ELAPOR2: variants seen among roughly 807,000 people sequenced by gnomAD.
The protein encoded by ELAPOR2 is endosome/lysosome-associated apoptosis and autophagy regulator family member 2.
A neutral mutation model predicts 120.7 loss-of-function variants in ELAPOR2; 89 were observed. That is an observed-to-expected ratio of 0.74 (90% CI 0.62 to 0.88). The LOEUF is 0.88. ELAPOR2 is among the 40% of genes least tolerant of loss of function. ELAPOR2 has a pLI of 0.00. For synonymous variants in ELAPOR2, 444 were observed against 444.9 expected, an observed-to-expected ratio of 1.00 and a Z score of 0.03; for missense variants, 1,134 against 1,251.6, an observed-to-expected ratio of 0.91 and a Z score of 1.42.
intron 19 of ELAPOR2, among the ~76,000 whole-genome samples, chr7:86,895,124 TA>T (rs1788379191): frequency 1.3e-5 from 2 of 152,128 alleles, no homozygotes; most frequent in Admixed American, 1.3e-4. Context: ...TTAAAAAATG[TA>T]AATATACCCA....
At chr7:87,041,697 C>T (rs1794793285) in intron 1 of ELAPOR2, among the ~76,000 whole-genome samples, 1 of 151,754 alleles carries the variant, frequency 6.6e-6, no homozygotes, top group South Asian at 2.1e-4. Context: ...GAAGAAACTG[C>T]ATCAACTAAC....
chr7:86,889,154 T>C (rs1799831897), intron 21 of ELAPOR2, among the ~76,000 whole-genome samples: 1 of 152,228 alleles, frequency 6.6e-6, no homozygotes, highest in African/African-American at 2.4e-5. Context: ...CAACATCAAC[T>C]CACTGTCCAT....
At chr7:87,041,910 G>A (rs1356825060) in intron 1 of ELAPOR2, among the ~76,000 whole-genome samples, 1 of 151,868 alleles carries the variant, frequency 6.6e-6, no homozygotes, top group Non-Finnish European at 1.5e-5. Flanking sequence ...TAAAAGGATG[G>A]AGGAAGATCT....
chr7:87,024,630 G>GA (rs1794181917), intron 1 of ELAPOR2, among the ~76,000 whole-genome samples: 1 of 152,118 alleles, frequency 6.6e-6, no homozygotes, highest in African/African-American at 2.4e-5. Flanking sequence ...AATAGTTTCA[G>GA]AAGGAATAGT....
chr7:86,944,810 A>G, intron 4 of ELAPOR2, 89 bp downstream of exon 4: 1 of 1,058,222 alleles, frequency 9.4e-7, no homozygotes, highest in Non-Finnish European at 1.3e-6. Flanking sequence ...AAAACTGAGG[A>G]GGAATAAAGT....
At position 86,975,947 on chromosome 7, in the gene ELAPOR2, C is replaced by A. The variant is rs114471212; in HGVS notation, c.190-10923G>T. 8.7e-3 allele frequency among the ~76,000 whole-genome samples: 1,320 copies of A among 152,216 alleles called. 19 individuals carry two copies. Among genetic ancestry groups the A allele is most frequent in the African/African-American group, 0.031 (1,273 of 41,540 alleles). The stretch of plus-strand genomic sequence containing the variant: ...AGAATGCAAAAAACTACAAGAGAAG[C>A]CCATTTTTCTGGCCAGAAGAATAAG... On this transcript the variant is annotated intron_variant, in intron 1 of 21. Transcript: ENST00000450689.
At chr7:87,039,580 T>C (rs1046096236) in intron 1 of ELAPOR2, among the ~76,000 whole-genome samples, 4 of 152,222 alleles carry the variant, frequency 2.6e-5, no homozygotes, top group Non-Finnish European at 1.5e-5. Flanking sequence ...GATTTATCCC[T>C]GGGATGCAAG....
chr7:87,034,169 A>G (rs1303446174), intron 1 of ELAPOR2, among the ~76,000 whole-genome samples: 1 of 152,192 alleles, frequency 6.6e-6, no homozygotes, highest in Non-Finnish European at 1.5e-5. Context: ...TGATATATGT[A>G]ATAGAGGCAG....
At chr7:86,898,002 A>G (rs1332441208) in intron 18 of ELAPOR2, among the ~76,000 whole-genome samples, 1 of 152,182 alleles carries the variant, frequency 6.6e-6, no homozygotes, top group Non-Finnish European at 1.5e-5. Flanking sequence ...TATAAACCCA[A>G]GAGAAATGAA....
intron 18 of ELAPOR2, among the ~76,000 whole-genome samples, chr7:86,906,685 C>A (rs551859995): frequency 6.6e-6 from 1 of 152,006 alleles, no homozygotes; most frequent in East Asian, 1.9e-4. Context: ...GAAAAAAAAT[C>A]TGCAAATCAA....
chr7:86,915,493 C>T (rs1789529583), intron 12 of ELAPOR2, among the ~76,000 whole-genome samples: 1 of 151,906 alleles, frequency 6.6e-6, no homozygotes, highest in African/African-American at 2.4e-5. Flanking sequence ...TAAAATCACA[C>T]AAATTTGTGA....
chr7:86,907,608 G>C, intron 18 of ELAPOR2, 62 bp downstream of exon 18: 1 of 989,214 alleles, frequency 1.0e-6, no homozygotes, highest in South Asian at 1.6e-5. Flanking sequence ...TTTTAAAATA[G>C]TAACATTCTG....
intron 1 of ELAPOR2, among the ~76,000 whole-genome samples, chr7:87,052,998 A>G (rs375458035): frequency 6.6e-6 from 1 of 151,982 alleles, no homozygotes; most frequent in South Asian, 2.1e-4. Flanking sequence ...GGGTCTTGCT[A>G]TGTTGCCCAG....
At chr7:87,021,127 G>A (rs1269120271) in intron 1 of ELAPOR2, among the ~76,000 whole-genome samples, 1 of 152,098 alleles carries the variant, frequency 6.6e-6, no homozygotes, top group African/African-American at 2.4e-5. Context: ...CAGCTAGTAA[G>A]TGATAGAACT....
At chr7:86,885,998 C>T (rs1799671232) in intron 21 of ELAPOR2, among the ~76,000 whole-genome samples, 1 of 152,088 alleles carries the variant, frequency 6.6e-6, no homozygotes. Context: ...GGGTTTCACA[C>T]AAGTTCCTTT....
chr7:87,021,139 G>A (rs2116698379), intron 1 of ELAPOR2, among the ~76,000 whole-genome samples: 1 of 152,068 alleles, frequency 6.6e-6, no homozygotes, highest in South Asian at 2.1e-4. Context: ...GATAGAACTG[G>A]GATTTAAACC....
At chr7:86,959,132 G>A (rs913987624) in intron 2 of ELAPOR2, among the ~76,000 whole-genome samples, 1 of 152,150 alleles carries the variant, frequency 6.6e-6, no homozygotes, top group South Asian at 2.1e-4. Flanking sequence ...TTAATTATTA[G>A]TGTATAGAAA....
intron 15 of ELAPOR2, among the ~76,000 whole-genome samples, chr7:86,910,250 T>A (rs566942433): frequency 2.4e-4 from 36 of 152,096 alleles, no homozygotes; most frequent in Admixed American, 4.6e-4. Flanking sequence ...TATACTGCTC[T>A]TCCCAGTACA....
At chr7:86,986,223 A>T (rs1350719262) in intron 1 of ELAPOR2, among the ~76,000 whole-genome samples, 2 of 120,656 alleles carry the variant, frequency 1.7e-5, no homozygotes, top group East Asian at 2.2e-4. Context: ...AGGTCAGGAG[A>T]TCGAGACCAT....
Sources: allele counts gnomAD v4.1 joint callset (sites outside exome capture counted in the v4.1 genomes callset), GRCh38; gene constraint gnomAD v4.1.1; transcripts MANE v1.5; gene names NCBI Gene and HGNC (gene_info 2026-07-23, HGNC 2026-07-21).